Variants in BACE2 observed in about 807,000 individuals in gnomAD.
The protein encoded by BACE2 is beta-secretase 2, also known as 56 kDa aspartic-like protease.
Under a neutral mutation model 46.2 loss-of-function variants are expected in BACE2, and 17 were observed. That is an observed-to-expected ratio of 0.37 (90% CI 0.25 to 0.55). BACE2 has a LOEUF of 0.55. BACE2 is among the 20% of genes least tolerant of loss of function. BACE2 has a pLI of 0.82. For missense variants in BACE2, 595 were observed against 698.1 expected, an observed-to-expected ratio of 0.85 and a Z score of 1.66; for synonymous variants, 277 against 295.9, an observed-to-expected ratio of 0.94 and a Z score of 0.66.
At position 41,280,277 on chromosome 21, in the gene BACE2, C is replaced by T. The variant is rs1221098184; in HGVS notation, c.*4653C>T. On this transcript the variant is annotated 3_prime_UTR_variant, in exon 9 of 9. Coordinates refer to ENST00000330333, the MANE Select transcript of BACE2 (RefSeq NM_012105.5). ...TCTGGAAGGCTCCTGGCAGCAGTTACCTGACAGTGTCGTTGAGGGGCACGG... is the reference window on the plus strand; with the variant it reads ...TCTGGAAGGCTCCTGGCAGCAGTTATCTGACAGTGTCGTTGAGGGGCACGG... 1 of 152,294 alleles carries T rather than the reference C, an allele frequency of 6.6e-6. No individual in the cohort carries two copies. The highest frequency in any genetic ancestry group is 1.9e-4 in the East Asian group (1 of 5,174). The allele number at this position is 152,294 out of a possible 1,614,324, so 9.4% of individuals were successfully genotyped here. A position where few individuals can be genotyped will look rare whatever the true frequency, so the allele number is the denominator to read the frequency against.
At chr21:41,189,681 G>C (rs548768127) in intron 1 of BACE2, among the ~76,000 whole-genome samples, 2 of 152,126 alleles carry the variant, frequency 1.3e-5, no homozygotes, top group African/African-American at 2.4e-5. Flanking sequence ...ATTCAAATTT[G>C]ATTGGAAGTT....
rs778631213 is a variant in BACE2, at chr21:41,194,791, G to GA, written c.312+26225dup. On this transcript the variant is annotated intron_variant, in intron 1 of 8. Transcript: ENST00000330333. ...AATGTTTCACCCTCATACTTTTTGA[G>GA]AAAAAAAAATAGCTTAATAATAATA... Among the ~76,000 whole-genome samples, 943 of 150,714 alleles carry GA rather than the reference G, an allele frequency of 6.3e-3. 10 individuals carry two copies. Among genetic ancestry groups the GA allele is most frequent in the African/African-American group, 0.02 (818 of 41,124 alleles).
chr21:41,226,937 G>C (rs1241937577), intron 2 of BACE2, among the ~76,000 whole-genome samples: 1 of 152,206 alleles, frequency 6.6e-6, no homozygotes, highest in African/African-American at 2.4e-5. Flanking sequence ...GCAATTATGG[G>C]GTGGAGTTGA....
rs548935276 is a variant in BACE2, at chr21:41,244,460, T to G, written c.882+950T>G. Among the ~76,000 whole-genome samples the G allele has an allele frequency of 4.3e-4, 65 of 150,278 alleles. 3 individuals carry two copies. The highest frequency in any genetic ancestry group is 2.9e-5 in the Non-Finnish European group (2 of 67,894). ...GGGGTTGTTCTCTGGCTGGCCAGGG[T>G]GGGGGTCACAAGGTGCTCAGTGGGA... is the stretch of plus-strand genomic sequence containing the variant. On this transcript the variant is annotated intron_variant, in intron 5 of 8. Transcript: ENST00000330333.
chr21:41,219,706 C>T (rs78929224), intron 1 of BACE2, among the ~76,000 whole-genome samples: 18 of 152,348 alleles, frequency 1.2e-4, no homozygotes, highest in African/African-American at 4.3e-4. Flanking sequence ...CAGCCTCCAA[C>T]AATTTCTCTC....
At chr21:41,208,866 G>A (rs1006533186) in intron 1 of BACE2, among the ~76,000 whole-genome samples, 1 of 152,136 alleles carries the variant, frequency 6.6e-6, no homozygotes, top group Non-Finnish European at 1.5e-5. Flanking sequence ...GTTCCGTGGA[G>A]GCAGCACCTG....
At chr21:41,247,950 C>A (rs1987521329) in intron 6 of BACE2, among the ~76,000 whole-genome samples, 1 of 152,110 alleles carries the variant, frequency 6.6e-6, no homozygotes, top group Non-Finnish European at 1.5e-5. Context: ...GCGTGGGTTT[C>A]CTTCTGGTTA....
intron 2 of BACE2, among the ~76,000 whole-genome samples, chr21:41,230,927 C>A (rs1303876895): frequency 2.6e-5 from 4 of 152,194 alleles, no homozygotes; most frequent in Admixed American, 1.3e-4. Context: ...AAGAGAGATC[C>A]AGTATACTCA....
chr21:41,267,372 C>G (rs139603013), intron 8 of BACE2, among the ~76,000 whole-genome samples: 14 of 152,154 alleles, frequency 9.2e-5, no homozygotes, highest in Admixed American at 7.2e-4. Context: ...AAGTGTCCTA[C>G]GGCTACGAAA....
intron 7 of BACE2, among the ~76,000 whole-genome samples, chr21:41,252,959 C>G (rs1012921087): frequency 6.6e-6 from 1 of 152,196 alleles, no homozygotes; most frequent in Non-Finnish European, 1.5e-5. Flanking sequence ...ACGCTCAGCA[C>G]TGCCCTTCCC....
chr21:41,221,993 A>G (rs565590983), intron 1 of BACE2, among the ~76,000 whole-genome samples: 3 of 152,296 alleles, frequency 2.0e-5, no homozygotes, highest in African/African-American at 7.2e-5. Flanking sequence ...CGTGAATGGC[A>G]TGATTGCGCA....
chr21:41,238,030 G>A (rs1987175665), intron 3 of BACE2, among the ~76,000 whole-genome samples: 1 of 152,208 alleles, frequency 6.6e-6, no homozygotes, highest in South Asian at 2.1e-4. Flanking sequence ...TGTGTGTTTA[G>A]GAGTTTTTAC....
intron 1 of BACE2, among the ~76,000 whole-genome samples, chr21:41,194,537 G>A (rs1013116163): frequency 3.3e-5 from 5 of 152,178 alleles, no homozygotes; most frequent in African/African-American, 1.2e-4. Context: ...TGATAAAACT[G>A]TCAAGTGTGG....
intron 1 of BACE2, among the ~76,000 whole-genome samples, chr21:41,173,141 G>A (rs1007671191): frequency 5.9e-5 from 9 of 152,296 alleles, no homozygotes; most frequent in South Asian, 4.1e-4. Flanking sequence ...CCGGAGTTAC[G>A]TCTTCAGCAT....
chr21:41,179,766 G>T, intron 1 of BACE2: 7 of 737,832 alleles, frequency 9.5e-6, no homozygotes, highest in Non-Finnish European at 1.2e-5. Context: ...GGGGTGGGGT[G>T]GAGAAGACCA....
At chr21:41,225,848 G>C (rs1986801592) in intron 1 of BACE2, among the ~76,000 whole-genome samples, 1 of 152,216 alleles carries the variant, frequency 6.6e-6, no homozygotes, top group South Asian at 2.1e-4. Flanking sequence ...CCTGGGGAGG[G>C]GAGGTCACGT....
chr21:41,172,179 T>C (rs1984630323), intron 1 of BACE2, among the ~76,000 whole-genome samples: 1 of 152,248 alleles, frequency 6.6e-6, no homozygotes, highest in Non-Finnish European at 1.5e-5. Flanking sequence ...AAAGCCAGTT[T>C]GCCACCAGCT....
chr21:41,235,673 C>A (rs1003617865), intron 2 of BACE2, among the ~76,000 whole-genome samples: 12 of 151,754 alleles, frequency 7.9e-5, no homozygotes, highest in African/African-American at 2.9e-4. Context: ...CCTGTCTCGG[C>A]AAAAAAAGAA....
chr21:41,249,798 C>T (rs1258555699), intron 6 of BACE2, among the ~76,000 whole-genome samples: 2 of 152,156 alleles, frequency 1.3e-5, no homozygotes, highest in South Asian at 2.1e-4. Flanking sequence ...CCTCAGCAGC[C>T]GGCAGACCCA....
Sources: allele counts gnomAD v4.1 joint callset (sites outside exome capture counted in the v4.1 genomes callset), GRCh38; gene constraint gnomAD v4.1.1; transcripts MANE v1.5; gene names NCBI Gene and HGNC (gene_info 2026-07-23, HGNC 2026-07-21).